Variants in DPYD observed in about 807,000 individuals in gnomAD.
DPYD encodes the protein dihydropyrimidine dehydrogenase.
DPYD carries 109 observed loss-of-function variants against 116.2 expected under a neutral mutation model. The observed-to-expected ratio is 0.94, with a 90% CI of 0.80 to 1.10. The LOEUF (loss-of-function observed/expected upper bound fraction) is 1.10, where lower values mean the gene tolerates loss of function less well. Among genes scored for constraint, DPYD ranks in the 50% least tolerant of loss-of-function variants. DPYD has a pLI of 0.00. For missense variants in DPYD, 1,302 were observed against 1,254.5 expected (o/e 1.04, Z -0.57); for synonymous variants, 440 against 432.0 (o/e 1.02, Z -0.23).
chr1:97,724,039 T>A (rs1663071222), intron 4 of DPYD, among the ~76,000 whole-genome samples: 1 of 151,398 alleles, frequency 6.6e-6, no homozygotes, highest in Non-Finnish European at 1.5e-5. Context: ...AGACAAAAAA[T>A]CACACAATCA....
At chr1:97,861,546 T>C (rs552419666) in intron 2 of DPYD, among the ~76,000 whole-genome samples, 1 of 152,074 alleles carries the variant, frequency 6.6e-6, no homozygotes, top group East Asian at 1.9e-4. Flanking sequence ...TAATTTGTTA[T>C]ATAAAGTGCT....
chr1:97,355,676 C>A (rs565413923), intron 16 of DPYD, among the ~76,000 whole-genome samples: 1 of 152,232 alleles, frequency 6.6e-6, no homozygotes, highest in South Asian at 2.1e-4. Context: ...AGAGAATATG[C>A]AATATTTGTC....
chr1:97,148,250 G>C (rs1654774373), intron 20 of DPYD, among the ~76,000 whole-genome samples: 1 of 132,174 alleles, frequency 7.6e-6, no homozygotes, highest in African/African-American at 3.2e-5. Context: ...GTGTGTGTGT[G>C]TGTGGGGGGG....
At chr1:97,454,242 A>C (rs989170470) in intron 13 of DPYD, among the ~76,000 whole-genome samples, 3 of 151,996 alleles carry the variant, frequency 2.0e-5, no homozygotes, top group Admixed American at 2.0e-4. Context: ...AATTAAGTGA[A>C]AGATGAATGA....
At chr1:97,213,253 C>T (rs925065722) in intron 19 of DPYD, among the ~76,000 whole-genome samples, 3 of 152,146 alleles carry the variant, frequency 2.0e-5, no homozygotes, top group African/African-American at 4.8e-5. Context: ...ATAACAATAA[C>T]TATCTCACAG....
At chr1:97,714,675 CAACT>C (rs1662509439) in intron 5 of DPYD, among the ~76,000 whole-genome samples, 1 of 104,590 alleles carries the variant, frequency 9.6e-6, no homozygotes, top group Non-Finnish European at 2.0e-5. Flanking sequence ...AAAAAAAAAA[CAACT>C]AAGCCGTATG....
intron 13 of DPYD, among the ~76,000 whole-genome samples, chr1:97,478,535 C>T (rs1332630373): frequency 6.6e-6 from 1 of 152,188 alleles, no homozygotes. Context: ...ATGCACCTGC[C>T]TTGGCCTCCC....
chr1:97,836,357 C>T (rs1189295843), intron 2 of DPYD, among the ~76,000 whole-genome samples: 1 of 152,048 alleles, frequency 6.6e-6, no homozygotes, highest in African/African-American at 2.4e-5. Context: ...ACAGAAAACA[C>T]GTTATTCTTA....
chr1:97,608,105 G>A (rs919944650), intron 8 of DPYD, among the ~76,000 whole-genome samples: 3 of 151,862 alleles, frequency 2.0e-5, no homozygotes, highest in Non-Finnish European at 2.9e-5. Flanking sequence ...GGACAAGTAT[G>A]AAAAGAATGA....
intron 15 of DPYD, 131 bp from the exon 16 acceptor site, chr1:97,373,775 G>C: frequency 1.3e-6 from 1 of 749,812 alleles, no homozygotes; most frequent in Non-Finnish European, 2.3e-6. Context: ...CAGCTATCTT[G>C]TGAGGTATAG....
chr1:97,477,877 C>A (rs953335179), intron 13 of DPYD, among the ~76,000 whole-genome samples: 5 of 152,100 alleles, frequency 3.3e-5, no homozygotes, highest in African/African-American at 1.2e-4. Flanking sequence ...GCCTCGGCCT[C>A]CCAAAGTGCT....
intron 13 of DPYD, among the ~76,000 whole-genome samples, chr1:97,491,550 A>G (rs1451331720): frequency 6.6e-6 from 1 of 152,032 alleles, no homozygotes; most frequent in Non-Finnish European, 1.5e-5. Flanking sequence ...AGAGTTGTGT[A>G]GCAGAAAAGC....
intron 5 of DPYD, among the ~76,000 whole-genome samples, chr1:97,717,497 T>C (rs1172433889): frequency 6.6e-6 from 1 of 151,996 alleles, no homozygotes. Flanking sequence ...GTTACACTGG[T>C]AAGTTCTTTA....
chr1:97,761,557 T>A (rs892978240), intron 3 of DPYD, among the ~76,000 whole-genome samples: 2 of 152,144 alleles, frequency 1.3e-5, no homozygotes, highest in Non-Finnish European at 2.9e-5. Context: ...GAAAAGGGAA[T>A]TCTTACACAC....
At chr1:97,213,466 T>A (rs1660179956) in intron 19 of DPYD, among the ~76,000 whole-genome samples, 1 of 152,144 alleles carries the variant, frequency 6.6e-6, no homozygotes, top group Admixed American at 6.6e-5. Flanking sequence ...CCTTACATGA[T>A]GTCAGCTTAA....
chr1:97,173,313 C>T (rs1385056247), intron 20 of DPYD, among the ~76,000 whole-genome samples: 8 of 117,482 alleles, frequency 6.8e-5, no homozygotes, highest in South Asian at 5.0e-4. Flanking sequence ...CATATATATG[C>T]ACACATATAT....
At chr1:97,650,391 T>C (rs1658514702) in intron 8 of DPYD, among the ~76,000 whole-genome samples, 1 of 152,156 alleles carries the variant, frequency 6.6e-6, no homozygotes, top group Admixed American at 6.6e-5. Flanking sequence ...ACAAAACATT[T>C]AGTGAAGATT....
chr1:97,691,145 C>A, intron 7 of DPYD: 1 of 152,800 alleles, frequency 6.5e-6, no homozygotes, highest in South Asian at 2.1e-4. Context: ...ATATTTAAAG[C>A]TATATGCTGA....
chr1:97,513,528 G>A (rs1011387769), intron 13 of DPYD, among the ~76,000 whole-genome samples: 1 of 151,644 alleles, frequency 6.6e-6, no homozygotes, highest in South Asian at 2.1e-4. Flanking sequence ...GTCATATTAA[G>A]AGCATCCAAA....
Sources: allele counts gnomAD v4.1 joint callset (sites outside exome capture counted in the v4.1 genomes callset), GRCh38; gene constraint gnomAD v4.1.1; transcripts MANE v1.5; gene names NCBI Gene and HGNC (gene_info 2026-07-23, HGNC 2026-07-21).